Variants in CSE1L observed in about 807,000 individuals in gnomAD.
The protein encoded by CSE1L is chromosome segregation 1 like.
CSE1L carries 24 observed loss-of-function variants against 120.4 expected under a neutral mutation model. That is an observed-to-expected ratio of 0.20 (90% CI 0.14 to 0.28). The LOEUF is 0.28. Ranked by LOEUF, CSE1L falls within the 10% of genes least tolerant of loss-of-function variation. The pLI is 1.00. For synonymous variants in CSE1L, 402 were observed against 398.3 expected, an observed-to-expected ratio of 1.01 and a Z score of -0.11; for missense variants, 830 against 1,145.2, an observed-to-expected ratio of 0.72 and a Z score of 3.97.
rs2091898797 is a variant in CSE1L at position 49,067,107 on chromosome 20, C to G, written c.477-83C>G. On this transcript the variant is annotated intron_variant, in intron 5 of 24. Transcript: ENST00000262982. ...CGGAAACCCATCTATTCATAGATGT[C>G]CAATCAGCATCTCTCCTTGAAGACC... 1.9e-5 allele frequency: 12 copies of G among 645,504 alleles called. No homozygotes were observed. In the East Asian group the frequency reaches 3.2e-4, roughly 17 times the overall value. 40.0% of individuals were successfully genotyped at this position (645,504 alleles called of 1,614,324 possible).
chr20:49,094,378 G>A, intron 23 of CSE1L, 92 bp downstream of exon 23: 1 of 1,256,924 alleles, frequency 8.0e-7, no homozygotes, highest in Non-Finnish European at 1.1e-6. Context: ...GGGGCCAAGA[G>A]AATCTTGGTC....
rs1224536145 is a variant in CSE1L, at chr20:49,058,564, G to GT, written c.85+22dup. On this transcript the variant is annotated intron_variant, in intron 2 of 24. Transcript: ENST00000262982. Reference sequence around the variant, plus strand: ...CGACGTCCAGGTAAAGAAAATAAACGTTTTTTGGTTGATTAATTCCTTCAG... The same window carrying GT: ...CGACGTCCAGGTAAAGAAAATAAACGTTTTTTTGGTTGATTAATTCCTTCAG... The GT allele has an allele frequency of 8.7e-6, 14 of 1,602,760 alleles. No individual in the cohort carries two copies. The highest frequency in any genetic ancestry group is 1.2e-5 in the Non-Finnish European group (14 of 1,170,782).
At chr20:49,090,197 G>A (rs1207631519) in intron 19 of CSE1L, among the ~76,000 whole-genome samples, 1 of 152,140 alleles carries the variant, frequency 6.6e-6, no homozygotes, top group Non-Finnish European at 1.5e-5. Flanking sequence ...TCAGAATTCT[G>A]TATCCTTTAG....
At chr20:49,087,351 C>CTTTTT (rs11483071) in intron 16 of CSE1L, among the ~76,000 whole-genome samples, 21 of 116,264 alleles carry the variant, frequency 1.8e-4, no homozygotes, top group Non-Finnish European at 2.4e-4. Flanking sequence ...TTTTCTTTTT[C>CTTTTT]TTTTTTTTTT....
intron 2 of CSE1L, among the ~76,000 whole-genome samples, chr20:49,058,986 C>A (rs1180022952): frequency 6.6e-6 from 1 of 152,022 alleles, no homozygotes; most frequent in Non-Finnish European, 1.5e-5. Context: ...AAAAAATTAG[C>A]CGGGCGTGGT....
At chr20:49,067,165 T>A (rs746556750) in intron 5 of CSE1L, 25 bp from the exon 6 acceptor site, 2 of 1,467,794 alleles carry the variant, frequency 1.4e-6, no homozygotes, top group Non-Finnish European at 1.9e-6. Context: ...CTTGTAAATT[T>A]ATCTGTTTTA....
At chr20:49,090,640 GATT>G (rs1217570859) in intron 19 of CSE1L, 99 bp from the exon 20 acceptor site, 5 of 850,894 alleles carry the variant, frequency 5.9e-6, no homozygotes, top group Admixed American at 2.0e-5. Flanking sequence ...GAAAAGGATA[GATT>G]ATTACAGTAT....
intron 2 of CSE1L, among the ~76,000 whole-genome samples, chr20:49,059,891 T>A (rs938076996): frequency 4.7e-4 from 69 of 147,382 alleles, no homozygotes; most frequent in African/African-American, 1.7e-3. Context: ...AAAAAAAAAA[T>A]ATTTTGAAAC....
chr20:49,059,161 A>C (rs2123670570), intron 2 of CSE1L, among the ~76,000 whole-genome samples: 1 of 152,174 alleles, frequency 6.6e-6, no homozygotes, highest in African/African-American at 2.4e-5. Context: ...TTTAGAGATA[A>C]AATAATTAGG....
intron 22 of CSE1L, among the ~76,000 whole-genome samples, chr20:49,093,587 T>C (rs2092117559): frequency 6.7e-6 from 1 of 149,788 alleles, no homozygotes; most frequent in Non-Finnish European, 1.5e-5. Context: ...TTTTCTTTTT[T>C]TTTTTTGAGA....
chr20:49,067,591 A>G (rs2091902806), intron 6 of CSE1L, among the ~76,000 whole-genome samples: 1 of 152,118 alleles, frequency 6.6e-6, no homozygotes, highest in South Asian at 2.1e-4. Flanking sequence ...AGGAAGAAAT[A>G]CATATTTTTA....
intron 14 of CSE1L, among the ~76,000 whole-genome samples, chr20:49,083,764 T>A (rs1213458172): frequency 1.3e-5 from 2 of 152,198 alleles, no homozygotes; most frequent in Admixed American, 6.5e-5. Flanking sequence ...CTCTGTGATA[T>A]TATTATTTTA....
intron 3 of CSE1L, among the ~76,000 whole-genome samples, chr20:49,065,400 G>A (rs1483124863): frequency 8.0e-6 from 1 of 124,488 alleles, no homozygotes. Context: ...TTGGCTCATT[G>A]CAGCCTCTGC....
chr20:49,093,924 A>T (rs964207517), intron 22 of CSE1L, among the ~76,000 whole-genome samples: 2 of 152,094 alleles, frequency 1.3e-5, no homozygotes, highest in African/African-American at 4.8e-5. Flanking sequence ...TCTCAAAAAA[A>T]AAAAGAAAAG....
chr20:49,058,695 C>G (rs2091828218), intron 2 of CSE1L, 147 bp downstream of exon 2: 1 of 547,032 alleles, frequency 1.8e-6, no homozygotes, highest in Admixed American at 3.0e-5. Flanking sequence ...AGCTGCTATA[C>G]CATGGTGTGT....
chr20:49,077,048 T>C lies in CSE1L; in HGVS notation c.1404T>C (p.Asp468=), dbSNP rs770574722. The C allele has an allele frequency of 1.0e-5, 16 of 1,607,894 alleles. No individual in the cohort carries two copies. The highest frequency in any genetic ancestry group is 1.7e-5 in the Admixed American group (1 of 58,842). Reference sequence around the variant, plus strand: ...TCTTTGTGAATCACATCCTCCCTGATTTAAAATCAGCTAATGGTGAGTTGT... The same window carrying C: ...TCTTTGTGAATCACATCCTCCCTGACTTAAAATCAGCTAATGGTGAGTTGT... The part of the protein sequence containing the change: ...TEFFVNHILP[D]LKSANVNEFP... Residue 468 remains aspartate (D), a synonymous_variant, in exon 13 of 25, where the codon GAT becomes GAC. Coordinates refer to ENST00000262982, the MANE Select transcript of CSE1L (RefSeq NM_001316.4).
chr20:49,088,990 G>A (rs2092081114), intron 17 of CSE1L, among the ~76,000 whole-genome samples: 2 of 152,070 alleles, frequency 1.3e-5, no homozygotes, highest in Non-Finnish European at 2.9e-5. Context: ...TCTCTGCGAG[G>A]GCACGTGGGC....
At chr20:49,089,802 GA>G in intron 19 of CSE1L, 56 bp downstream of exon 19, 1 of 1,497,966 alleles carries the variant, frequency 6.7e-7, no homozygotes, top group Non-Finnish European at 9.2e-7. Flanking sequence ...AGAAACTGGG[GA>G]TGGCAGATGT....
rs147216191 is a variant in CSE1L at position 49,089,715 on chromosome 20, A to T, written c.2150A>T (p.Asn717Ile). Residue 717 changes from asparagine (N) to isoleucine (I), a missense_variant, in exon 19 of 25, where the codon AAC (asparagine) becomes ATC (isoleucine). Physicochemically the swap from Asn to Ile is moderately radical, Grantham distance 149 (BLOSUM62 -3). Coordinates refer to ENST00000262982, the MANE Select transcript of CSE1L (RefSeq NM_001316.4). ...LLQAFLERGS[N>I]TIASAAADKI... ...CAAGCATTCTTAGAACGCGGTTCAA[A>T]CACAATAGCAAGTGCTGCAGCTGAC... 38 of 1,614,092 alleles carry T rather than the reference A, an allele frequency of 2.4e-5. No individual in the cohort carries two copies. Among genetic ancestry groups the T allele is most frequent in the Non-Finnish European group, 3.1e-5 (36 of 1,180,016 alleles).
Sources: allele counts gnomAD v4.1 joint callset (sites outside exome capture counted in the v4.1 genomes callset), GRCh38; gene constraint gnomAD v4.1.1; transcripts MANE v1.5; gene names NCBI Gene and HGNC (gene_info 2026-07-23, HGNC 2026-07-21).